Variants in PLCB1 observed in about 807,000 individuals in gnomAD.
PLCB1 encodes the protein 1-phosphatidylinositol 4,5-bisphosphate phosphodiesterase beta-1.
PLCB1 carries 46 observed loss-of-function variants against 161.8 expected under a neutral mutation model. The observed-to-expected ratio is 0.28, with a 90% CI of 0.22 to 0.36. The LOEUF is 0.36. PLCB1 is among the 10% of genes least tolerant of loss of function. The pLI is 1.00. For missense variants in PLCB1, 1,016 were observed against 1,472.5 expected (o/e 0.69, Z 5.07); for synonymous variants, 517 against 503.7 (o/e 1.03, Z -0.35).
intron 3 of PLCB1, among the ~76,000 whole-genome samples, chr20:8,540,592 A>C: frequency 6.6e-6 from 1 of 151,352 alleles, no homozygotes; most frequent in Non-Finnish European, 1.5e-5. Flanking sequence ...CAGCCAGACA[A>C]CTCCCTCCCT....
Position 8,325,084 on chromosome 20 carries a change from G to A in PLCB1, c.178-46298G>A, listed in dbSNP as rs144925026. Among the ~76,000 whole-genome samples the A allele has an allele frequency of 9.6e-4, 146 of 152,210 alleles. 1 individual carries two copies. The highest frequency in any genetic ancestry group is 3.1e-3 in the African/African-American group (129 of 41,538). On this transcript the variant is annotated intron_variant, in intron 2 of 31. Coordinates refer to ENST00000338037, the MANE Select transcript of PLCB1 (RefSeq NM_015192.4). ...TGTAATAATCATGCCCCTACTATTCGCAGGAGTAGGAATAATGGGAGTTAA... is the reference window on the plus strand; with the variant it reads ...TGTAATAATCATGCCCCTACTATTCACAGGAGTAGGAATAATGGGAGTTAA...
At chr20:8,240,249 T>C (rs192207453) in intron 2 of PLCB1, among the ~76,000 whole-genome samples, 56 of 150,962 alleles carry the variant, frequency 3.7e-4, no homozygotes, top group Non-Finnish European at 4.1e-4. Context: ...ATCAGTTTGC[T>C]GTGAAACCTT....
chr20:8,341,313 C>A (rs1457765262), intron 2 of PLCB1, among the ~76,000 whole-genome samples: 1 of 152,134 alleles, frequency 6.6e-6, no homozygotes, highest in Non-Finnish European at 1.5e-5. Context: ...CTGTGCTTCC[C>A]CTCCTCCCAG....
intron 3 of PLCB1, among the ~76,000 whole-genome samples, chr20:8,541,600 G>T (rs6108150): frequency 0.083 from 12,506 of 150,728 alleles, 756 homozygotes; most frequent in East Asian, 0.23. Flanking sequence ...AAGAAAGAAA[G>T]AAAGAAAGGA....
intron 2 of PLCB1, among the ~76,000 whole-genome samples, chr20:8,150,986 TA>T: frequency 6.6e-6 from 1 of 152,264 alleles, no homozygotes; most frequent in East Asian, 1.9e-4. Flanking sequence ...ACTGAATTAT[TA>T]AAAAGTAGAA....
In PLCB1 at chr20:8,881,744, C is replaced by G. The variant is rs148236379; in HGVS notation, c.3546C>G (p.Ala1182=). The change falls in exon 32 of 32, where the codon GCC becomes GCG. Residue 1182 remains alanine (A), a synonymous_variant. Transcript: ENST00000338037. ...GTGAAGACAGCAATCACGGTTCTGC[C>G]CCTCTCTCCCTGTCCTCAGACCCTG... ...KISEDSNHGS[A]PLSLSSDPGK... is the part of the protein sequence containing the mutation. 6.2e-7 allele frequency: 1 copy of G among 1,613,834 alleles called. No homozygotes were observed. The highest frequency in any genetic ancestry group is 8.5e-7 in the Non-Finnish European group (1 of 1,179,914).
At chr20:8,541,892 A>G (rs1317332114) in intron 3 of PLCB1, among the ~76,000 whole-genome samples, 2 of 152,206 alleles carry the variant, frequency 1.3e-5, no homozygotes, top group Non-Finnish European at 2.9e-5. Context: ...TGGTAGTACA[A>G]TTTGGATCAG....
At chr20:8,241,755 A>G (rs73607876) in intron 2 of PLCB1, among the ~76,000 whole-genome samples, 2,373 of 152,022 alleles carry the variant, frequency 0.016, 65 homozygotes, top group African/African-American at 0.054. Context: ...ACTTCTTTCT[A>G]CCACCCTTCC....
chr20:8,770,634 G>A (rs1982629134), intron 26 of PLCB1, among the ~76,000 whole-genome samples: 1 of 152,168 alleles, frequency 6.6e-6, no homozygotes, highest in Non-Finnish European at 1.5e-5. Flanking sequence ...GTTCTATCTG[G>A]AAAGGCGGGA....
chr20:8,317,674 C>T (rs1015860900), intron 2 of PLCB1, among the ~76,000 whole-genome samples: 1 of 152,164 alleles, frequency 6.6e-6, no homozygotes, highest in Admixed American at 6.5e-5. Flanking sequence ...GCTCAACATC[C>T]AATCCAGATT....
chr20:8,682,077 T>A (rs1990235681), intron 9 of PLCB1, among the ~76,000 whole-genome samples: 1 of 152,198 alleles, frequency 6.6e-6, no homozygotes, highest in South Asian at 2.1e-4. Context: ...TTTACTGTGC[T>A]TTATTTTTCT....
intron 27 of PLCB1, among the ~76,000 whole-genome samples, chr20:8,786,454 T>C (rs1191014744): frequency 6.6e-6 from 1 of 152,174 alleles, no homozygotes; most frequent in African/African-American, 2.4e-5. Flanking sequence ...CACAGATGAA[T>C]GCATCAAATT....
At chr20:8,708,148 A>T (rs369011377) in intron 11 of PLCB1, among the ~76,000 whole-genome samples, 5 of 152,110 alleles carry the variant, frequency 3.3e-5, no homozygotes, top group African/African-American at 1.2e-4. Flanking sequence ...AAACCATTGA[A>T]CTGTACACTT....
At chr20:8,313,477 C>G (rs953324399) in intron 2 of PLCB1, among the ~76,000 whole-genome samples, 1 of 152,032 alleles carries the variant, frequency 6.6e-6, no homozygotes, top group Admixed American at 6.5e-5. Flanking sequence ...TTCCTAAGAT[C>G]TTATTGACTA....
At chr20:8,708,814 T>C in intron 12 of PLCB1, 62 bp downstream of exon 12, 1 of 947,414 alleles carries the variant, frequency 1.1e-6, no homozygotes, top group East Asian at 2.4e-5. Context: ...TGAGTAATTG[T>C]TTATCAGATT....
At chr20:8,861,868 A>T (rs1219650169) in intron 31 of PLCB1, among the ~76,000 whole-genome samples, 2 of 152,128 alleles carry the variant, frequency 1.3e-5, no homozygotes, top group Admixed American at 1.3e-4. Context: ...GGAAACATTG[A>T]TTTATTGGAA....
chr20:8,385,514 A>G (rs1987399976), intron 3 of PLCB1, among the ~76,000 whole-genome samples: 1 of 152,152 alleles, frequency 6.6e-6, no homozygotes. Context: ...AATGGCTTAG[A>G]CAGCAGGCAG....
rs1017388139 is a variant in PLCB1 at position 8,884,648 on chromosome 20, T to G, written c.*2799T>G. On this transcript the variant is annotated 3_prime_UTR_variant, in exon 32 of 32. Transcript: ENST00000338037. ...TGAATTTAATGTTGCGCTTGTGCAC[T>G]GTGTTAATATTGTTTGTGATGGATT... is the stretch of plus-strand genomic sequence containing the variant. 1.3e-5 allele frequency: 2 copies of G among 152,650 alleles called. No individual in the cohort carries two copies. Among genetic ancestry groups the G allele is most frequent in the Non-Finnish European group, 2.9e-5 (2 of 68,038 alleles). The allele number at this position is 152,650 out of a possible 1,614,324, so 9.5% of individuals were successfully genotyped here. A position where few individuals can be genotyped will look rare whatever the true frequency, so the allele number is the denominator to read the frequency against.
intron 3 of PLCB1, among the ~76,000 whole-genome samples, chr20:8,556,431 A>T (rs1052510587): frequency 1.3e-5 from 2 of 152,088 alleles, no homozygotes; most frequent in Admixed American, 6.6e-5. Flanking sequence ...TAAATACTGG[A>T]AGGAAAAGCT....
Sources: allele counts gnomAD v4.1 joint callset (sites outside exome capture counted in the v4.1 genomes callset), GRCh38; gene constraint gnomAD v4.1.1; transcripts MANE v1.5; gene names NCBI Gene and HGNC (gene_info 2026-07-23, HGNC 2026-07-21).